NPR3: variants seen among roughly 807,000 people sequenced by gnomAD.
NPR3 encodes the protein atrial natriuretic peptide receptor 3.
Under a neutral mutation model 54.5 loss-of-function variants are expected in NPR3, and 34 were observed. The ratio of observed to expected loss-of-function variants is 0.62; its 90% CI spans 0.47 to 0.83. The LOEUF (loss-of-function observed/expected upper bound fraction) is 0.83, where lower values mean the gene tolerates loss of function less well. Among genes scored for constraint, NPR3 ranks in the 40% least tolerant of loss-of-function variants. NPR3 has a pLI of 0.00. For synonymous variants in NPR3, 289 were observed against 297.1 expected, an observed-to-expected ratio of 0.97 and a Z score of 0.28; for missense variants, 674 against 720.8, an observed-to-expected ratio of 0.94 and a Z score of 0.74.
chr5:32,772,317 T>C (rs1243053056), intron 3 of NPR3, among the ~76,000 whole-genome samples: 1 of 152,208 alleles, frequency 6.6e-6, no homozygotes, highest in Non-Finnish European at 1.5e-5. Flanking sequence ...GAGATGGTAC[T>C]AAACCTCCAC....
intron 1 of NPR3, among the ~76,000 whole-genome samples, chr5:32,713,963 G>C (rs1738405114): frequency 6.6e-6 from 1 of 152,228 alleles, no homozygotes; most frequent in Admixed American, 6.5e-5. Context: ...AAAAGGGCAC[G>C]TGTGTCCAAC....
At chr5:32,735,418 CT>C (rs752168252) in intron 2 of NPR3, among the ~76,000 whole-genome samples, 190 of 144,644 alleles carry the variant, frequency 1.3e-3, no homozygotes, top group Non-Finnish European at 2.0e-3. Flanking sequence ...GGCTCTATCT[CT>C]TTTTTTTATA....
At position 32,712,304 on chromosome 5, in the gene NPR3, C is replaced by A. The variant is rs894779990; in HGVS notation, c.528C>A (p.Arg176=). Residue 176 remains arginine, a synonymous_variant, in exon 1 of 8, where the codon CGC becomes CGA. Coordinates refer to ENST00000265074, the MANE Select transcript of NPR3 (RefSeq NM_001204375.2). Reference sequence around the variant, plus strand: ...ACTCTGAGTACTCGCACCTCACGCGCGTGGCGCCCGCCTACGCCAAGATGG... The same window carrying A: ...ACTCTGAGTACTCGCACCTCACGCGAGTGGCGCCCGCCTACGCCAAGATGG... ...HKDSEYSHLT[R]VAPAYAKMGE... is the part of the protein sequence containing the mutation. The A allele has an allele frequency of 1.9e-6, 3 of 1,613,122 alleles. No individual in the cohort carries two copies. The highest frequency in any genetic ancestry group is 1.6e-4 in the Middle Eastern group (1 of 6,078).
At chr5:32,782,620 T>C (rs1742396711) in intron 5 of NPR3, among the ~76,000 whole-genome samples, 1 of 152,192 alleles carries the variant, frequency 6.6e-6, no homozygotes, top group South Asian at 2.1e-4. Context: ...TAATGCTCTC[T>C]TGAGAGCACC....
intron 3 of NPR3, among the ~76,000 whole-genome samples, chr5:32,745,306 T>C (rs139490684): frequency 6.6e-6 from 1 of 152,316 alleles, no homozygotes; most frequent in East Asian, 1.9e-4. Flanking sequence ...CAACTGTCAG[T>C]GGGGCTCTAG....
chr5:32,698,790 C>G (rs147987233), intron 1 of NPR3, among the ~76,000 whole-genome samples: 1,823 of 152,262 alleles, frequency 0.012, 48 homozygotes, highest in African/African-American at 0.041. Flanking sequence ...TATAGCTACT[C>G]CTGCCCCTTT....
chr5:32,720,554 G>T (rs1346056296), intron 1 of NPR3, among the ~76,000 whole-genome samples: 1 of 152,204 alleles, frequency 6.6e-6, no homozygotes, highest in East Asian at 1.9e-4. Flanking sequence ...ATGGAGGGTG[G>T]CATGGAACAT....
chr5:32,740,767 G>A (rs192309156), intron 3 of NPR3, among the ~76,000 whole-genome samples: 93 of 152,252 alleles, frequency 6.1e-4, no homozygotes, highest in Middle Eastern at 6.8e-3. Flanking sequence ...CACTTACAGT[G>A]TGCAGAGGCC....
At chr5:32,735,922 T>C (rs767011530) in intron 2 of NPR3, among the ~76,000 whole-genome samples, 6 of 152,162 alleles carry the variant, frequency 3.9e-5, no homozygotes, top group Non-Finnish European at 8.8e-5. Flanking sequence ...ACTATTTCCT[T>C]CATTTTTTCT....
chr5:32,772,097 G>A (rs557258260), intron 3 of NPR3, among the ~76,000 whole-genome samples: 1 of 152,266 alleles, frequency 6.6e-6, no homozygotes, highest in Non-Finnish European at 1.5e-5. Context: ...AAATCAAATT[G>A]GCATAGCCAA....
chr5:32,734,399 C>G (rs1739618907), intron 2 of NPR3, among the ~76,000 whole-genome samples: 1 of 152,208 alleles, frequency 6.6e-6, no homozygotes, highest in Non-Finnish European at 1.5e-5. Flanking sequence ...CTGGGAACTA[C>G]AGGATGGCAC....
intron 3 of NPR3, among the ~76,000 whole-genome samples, chr5:32,750,341 G>T (rs1003150949): frequency 2.0e-5 from 3 of 151,992 alleles, no homozygotes; most frequent in South Asian, 2.1e-4. Context: ...TCACCATGTC[G>T]GTCAGGCTTG....
intron 2 of NPR3, among the ~76,000 whole-genome samples, chr5:32,732,657 C>G (rs1739524542): frequency 6.6e-6 from 1 of 152,092 alleles, no homozygotes; most frequent in East Asian, 1.9e-4. Flanking sequence ...GTGACCTAGA[C>G]CAAGGTTCTG....
intron 3 of NPR3, among the ~76,000 whole-genome samples, chr5:32,757,320 A>G (rs1024022102): frequency 6.6e-6 from 1 of 152,206 alleles, no homozygotes; most frequent in African/African-American, 2.4e-5. Context: ...GGTCCTTCAC[A>G]TCCCTTGTAA....
chr5:32,789,575 T>A lies in NPR3; in HGVS notation c.*3230T>A, dbSNP rs761974172. The A allele has an allele frequency of 1.1e-5, 6 of 534,748 alleles. No homozygotes were observed. The East Asian group carries it at 3.3e-4, about 29-fold the overall frequency. 33.1% of individuals were successfully genotyped at this position (534,748 alleles called of 1,614,324 possible). A position where few individuals can be genotyped will look rare whatever the true frequency, so the allele number is the denominator to read the frequency against. On this transcript the variant is annotated 3_prime_UTR_variant, in exon 8 of 8. Transcript: ENST00000265074. ...AAAGAACACCTCCTTTTCTCCTTTC[T>A]CTTAAATTCAAAGACGTTTGCTTTG...
rs758453933 is a variant in NPR3 at position 32,759,118 on chromosome 5, G to A, written c.1060-15590G>A. On this transcript the variant is annotated intron_variant, in intron 3 of 7. Coordinates refer to ENST00000265074, the MANE Select transcript of NPR3 (RefSeq NM_001204375.2). ...GGAGAGTTCTGTAGATGTCTATTAG[G>A]TCCGCTTGGTGCAGAGCTGAGTTCA... Among the ~76,000 whole-genome samples the A allele has an allele frequency of 8.1e-4, 124 of 152,264 alleles. 2 individuals are homozygous for A. Among genetic ancestry groups the A allele is most frequent in the Admixed American group, 1.2e-3 (18 of 15,298 alleles).
At chr5:32,774,141 T>G (rs1561127713) in intron 3 of NPR3, among the ~76,000 whole-genome samples, 1 of 152,134 alleles carries the variant, frequency 6.6e-6, no homozygotes, top group Non-Finnish European at 1.5e-5. Context: ...GACTAAGACA[T>G]TATTACTAAT....
At chr5:32,710,870 T>C (rs1738179497), upstream of NPR3, 2 of 1,259,538 alleles carry the variant, frequency 1.6e-6, 1 homozygote. Flanking sequence ...TTTTTTTTTT[T>C]TTTTGCACGG....
chr5:32,715,780 G>C (rs1738515747), intron 1 of NPR3, among the ~76,000 whole-genome samples: 2 of 152,162 alleles, frequency 1.3e-5, no homozygotes, highest in South Asian at 4.1e-4. Context: ...TGCAGAACTA[G>C]AAGTATCCTA....
Sources: gnomAD v4.1 joint callset for allele counts (sites outside exome capture counted in the v4.1 genomes callset) on GRCh38, gnomAD v4.1.1 for gene constraint, MANE v1.5 for transcripts, NCBI Gene and HGNC (gene_info 2026-07-23, HGNC 2026-07-21) for gene names.